CDK6: variants seen among roughly 807,000 people sequenced by gnomAD.
The protein encoded by CDK6 is cyclin-dependent kinase 6.
CDK6 carries 6 observed loss-of-function variants against 37.1 expected under a neutral mutation model. The ratio of observed to expected loss-of-function variants is 0.16; its 90% CI spans 0.09 to 0.32. The LOEUF is 0.32. Ranked by LOEUF, CDK6 falls within the 10% of genes least tolerant of loss-of-function variation. The probability of loss-of-function intolerance (pLI) is 1.00; values close to 1 mark genes in which losing one functional copy is unlikely to be tolerated. For missense variants in CDK6, 224 were observed against 418.9 expected, an observed-to-expected ratio of 0.53 and a Z score of 4.06; for synonymous variants, 160 against 161.3, an observed-to-expected ratio of 0.99 and a Z score of 0.06.
intron 2 of CDK6, among the ~76,000 whole-genome samples, chr7:92,798,351 G>T (rs1228324352): frequency 1.3e-5 from 2 of 152,196 alleles, no homozygotes; most frequent in Non-Finnish European, 2.9e-5. Flanking sequence ...ATAGCTTGAT[G>T]ATCTAATGAA....
chr7:92,728,179 C>A (rs1205955150), intron 3 of CDK6, among the ~76,000 whole-genome samples: 1 of 152,150 alleles, frequency 6.6e-6, no homozygotes, highest in Non-Finnish European at 1.5e-5. Flanking sequence ...TGTATAGATG[C>A]ATGCTTAATG....
intron 2 of CDK6, among the ~76,000 whole-genome samples, chr7:92,807,215 T>C (rs1391730463): frequency 6.6e-6 from 1 of 152,184 alleles, no homozygotes; most frequent in Non-Finnish European, 1.5e-5. Context: ...ATCATTTGTT[T>C]TCTTAATTTG....
intron 3 of CDK6, among the ~76,000 whole-genome samples, chr7:92,770,589 T>G (rs1039672829): frequency 2.0e-5 from 3 of 152,144 alleles, no homozygotes; most frequent in African/African-American, 7.2e-5. Context: ...AAATGGCACT[T>G]AAGTGCACTT....
At chr7:92,644,325 A>T (rs1006181299) in intron 5 of CDK6, among the ~76,000 whole-genome samples, 1 of 152,164 alleles carries the variant, frequency 6.6e-6, no homozygotes, top group African/African-American at 2.4e-5. Context: ...TGGGGTTGGG[A>T]CAAGTGGCTA....
intron 5 of CDK6, among the ~76,000 whole-genome samples, chr7:92,647,189 G>A (rs2116549507): frequency 6.6e-6 from 1 of 152,282 alleles, no homozygotes; most frequent in East Asian, 1.9e-4. Flanking sequence ...ATACAGTGGT[G>A]AGTAAAATAG....
intron 4 of CDK6, among the ~76,000 whole-genome samples, chr7:92,712,117 G>A (rs1232254876): frequency 1.3e-5 from 2 of 150,848 alleles, no homozygotes; most frequent in African/African-American, 2.4e-5. Flanking sequence ...CCGAGAGAGC[G>A]CCACTGCAGT....
At chr7:92,632,143 C>T (rs996962020) in intron 5 of CDK6, among the ~76,000 whole-genome samples, 2 of 151,970 alleles carry the variant, frequency 1.3e-5, no homozygotes, top group Non-Finnish European at 2.9e-5. Flanking sequence ...ATTATCATCA[C>T]CTCTATGCTC....
intron 3 of CDK6, among the ~76,000 whole-genome samples, chr7:92,766,172 A>G (rs955950260): frequency 2.6e-5 from 4 of 152,200 alleles, no homozygotes; most frequent in Non-Finnish European, 5.9e-5. Flanking sequence ...TGCTTTAATA[A>G]GGTCCCTCTG....
chr7:92,723,304 T>G (rs535040284), intron 4 of CDK6, among the ~76,000 whole-genome samples: 27 of 152,334 alleles, frequency 1.8e-4, no homozygotes, highest in Admixed American at 9.8e-4. Context: ...AGTAAAATAC[T>G]AGCATTTCTC....
intron 4 of CDK6, among the ~76,000 whole-genome samples, chr7:92,702,217 A>ATTTTTTT (rs1562940434): frequency 2.0e-5 from 1 of 49,860 alleles, no homozygotes; most frequent in African/African-American, 6.9e-5. Context: ...TATCAAGTAT[A>ATTTTTTT]TTCTTTTTTT....
At chr7:92,640,479 C>T (rs1231221365) in intron 5 of CDK6, among the ~76,000 whole-genome samples, 1 of 152,202 alleles carries the variant, frequency 6.6e-6, no homozygotes, top group Non-Finnish European at 1.5e-5. Flanking sequence ...TCTATCCCAA[C>T]TTGGAGCTTC....
intron 2 of CDK6, among the ~76,000 whole-genome samples, chr7:92,788,004 A>T (rs1434172192): frequency 1.3e-5 from 2 of 152,156 alleles, no homozygotes; most frequent in Non-Finnish European, 2.9e-5. Context: ...AATGCTAGAA[A>T]TATATTCTAA....
chr7:92,648,151 C>A (rs1041095136), intron 5 of CDK6, among the ~76,000 whole-genome samples: 1 of 152,046 alleles, frequency 6.6e-6, no homozygotes, highest in Non-Finnish European at 1.5e-5. Flanking sequence ...CATCTGCCCC[C>A]CTTCTTATTT....
intron 4 of CDK6, among the ~76,000 whole-genome samples, chr7:92,690,437 G>A (rs533126545): frequency 5.3e-5 from 8 of 152,176 alleles, no homozygotes; most frequent in East Asian, 3.9e-4. Context: ...GTAGGTGTGC[G>A]GTTTTATTTC....
At chr7:92,821,717 ATTATG>A (rs1210987509) in intron 2 of CDK6, among the ~76,000 whole-genome samples, 1 of 151,020 alleles carries the variant, frequency 6.6e-6, no homozygotes, top group Non-Finnish European at 1.5e-5. Flanking sequence ...TATTGTATAA[ATTATG>A]TTATATATAT....
chr7:92,636,832 T>C (rs1238514071), intron 5 of CDK6, among the ~76,000 whole-genome samples: 1 of 152,100 alleles, frequency 6.6e-6, no homozygotes, highest in Non-Finnish European at 1.5e-5. Flanking sequence ...TGCTGACTAA[T>C]TTTTGTATTT....
At chr7:92,793,381 T>C (rs576319543) in intron 2 of CDK6, among the ~76,000 whole-genome samples, 8 of 152,274 alleles carry the variant, frequency 5.3e-5, no homozygotes, top group South Asian at 4.1e-4. Flanking sequence ...TAAGACAGTA[T>C]GGTACTGGCA....
chr7:92,766,653 A>G (rs1003480811), intron 3 of CDK6, among the ~76,000 whole-genome samples: 1 of 152,248 alleles, frequency 6.6e-6, no homozygotes, highest in African/African-American at 2.4e-5. Context: ...AAGAGACTGC[A>G]ACCAAGGAGT....
At chr7:92,788,974 A>T (rs1258239002) in intron 2 of CDK6, among the ~76,000 whole-genome samples, 12 of 151,298 alleles carry the variant, frequency 7.9e-5, no homozygotes, top group East Asian at 3.9e-4. Context: ...TTTTTTTTTT[A>T]AATTAACTGG....
Sources: gnomAD v4.1 joint callset for allele counts (sites outside exome capture counted in the v4.1 genomes callset) on GRCh38, gnomAD v4.1.1 for gene constraint, MANE v1.5 for transcripts, NCBI Gene and HGNC (gene_info 2026-07-23, HGNC 2026-07-21) for gene names.